The following MBTPS1 variants were observed in gnomAD, a reference collection of about 807,000 sequenced individuals.
MBTPS1 encodes membrane-bound transcription factor site-1 protease.
In MBTPS1, 94 loss-of-function variants were observed where a neutral mutation model predicts 127.8. The observed-to-expected ratio is 0.74, with a 90% CI of 0.62 to 0.87. The LOEUF (loss-of-function observed/expected upper bound fraction) is 0.87, where lower values mean the gene tolerates loss of function less well. Ranked by LOEUF, MBTPS1 falls within the 40% of genes least tolerant of loss-of-function variation. The pLI is 0.00. For synonymous variants in MBTPS1, 632 were observed against 509.4 expected (o/e 1.24, Z -3.24); for missense variants, 1,636 against 1,353.2 (o/e 1.21, Z -3.28).
At chr16:84,100,094 A>G (rs1447359052) in intron 2 of MBTPS1, among the ~76,000 whole-genome samples, 1 of 152,162 alleles carries the variant, frequency 6.6e-6, no homozygotes, top group East Asian at 1.9e-4. Flanking sequence ...ACCTTCACCA[A>G]TTACAATGGC....
intron 1 of MBTPS1, among the ~76,000 whole-genome samples, chr16:84,108,707 G>A (rs755200130): frequency 3.9e-5 from 6 of 152,244 alleles, no homozygotes; most frequent in Non-Finnish European, 8.8e-5. Flanking sequence ...TGAGCGGAGT[G>A]AGGAAGGTAT....
At chr16:84,093,682 A>T in intron 5 of MBTPS1, 29 bp downstream of exon 5, 1 of 1,448,592 alleles carries the variant, frequency 6.9e-7, no homozygotes, top group Non-Finnish European at 9.7e-7. Flanking sequence ...CGATCACATG[A>T]CCACGTTCTC....
At position 84,065,715 on chromosome 16, in the gene MBTPS1, C is replaced by T. The variant is rs35543578; in HGVS notation, c.2406G>A (p.Val802=). ...SIAKFPEDGV[V]ITQTFKDQGL... is the part of the protein sequence containing the mutation. The stretch of plus-strand genomic sequence containing the variant: ...CTTGGTCCTTGAAAGTCTGTGTTAT[C>T]ACGACGCCATCTTCTGGAAACTTCG... The change falls in exon 18 of 23, where the codon GTG becomes GTA. Residue 802 remains valine, a synonymous_variant. Transcript: ENST00000343411. The T allele has an allele frequency of 8.5e-5, 137 of 1,612,560 alleles. No individual in the cohort carries two copies. Among genetic ancestry groups the T allele is most frequent in the Non-Finnish European group, 2.4e-5 (28 of 1,179,552 alleles).
At chr16:84,064,366 T>C (rs948944705) in intron 18 of MBTPS1, among the ~76,000 whole-genome samples, 2 of 152,166 alleles carry the variant, frequency 1.3e-5, no homozygotes, top group African/African-American at 4.8e-5. Context: ...GCCATTTGCC[T>C]TGTGGTATTT....
Position 84,085,131 on chromosome 16 carries a change from G to A in MBTPS1, c.1138C>T (p.Leu380=), listed in dbSNP as rs1440052070. ...TTCATGCGACCGTAGCCTCCTGGTA[G>A]CTCCTATGAATAAAAGCAGCTTGGT... ...FSSRGMTTWE[L]PGGYGRMKPD... is the part of the protein sequence containing the mutation. The change falls in exon 10 of 23, where the codon CTA becomes TTA. Residue 380 remains leucine (L), a synonymous_variant. Coordinates refer to ENST00000343411, the MANE Select transcript of MBTPS1 (RefSeq NM_003791.4). 1.2e-5 allele frequency: 19 copies of A among 1,613,958 alleles called. No homozygotes were observed. The highest frequency in any genetic ancestry group is 1.6e-5 in the Non-Finnish European group (19 of 1,179,980).
At chr16:84,091,912 T>G in intron 6 of MBTPS1, 64 bp from the exon 7 acceptor site, 2 of 936,032 alleles carry the variant, frequency 2.1e-6, no homozygotes, top group Non-Finnish European at 3.5e-6. Context: ...TAGGACAGTT[T>G]TTATTTCTAA....
chr16:84,088,678 C>T (rs899556300), intron 8 of MBTPS1, among the ~76,000 whole-genome samples: 1 of 152,160 alleles, frequency 6.6e-6, no homozygotes, highest in African/African-American at 2.4e-5. Context: ...CTAGGAGCAC[C>T]AAGGGCACAG....
At chr16:84,088,138 T>C (rs2086057040) in intron 8 of MBTPS1, among the ~76,000 whole-genome samples, 1 of 152,098 alleles carries the variant, frequency 6.6e-6, no homozygotes, top group Admixed American at 6.5e-5. Flanking sequence ...AAGATAAAGA[T>C]GAACCATTTG....
At chr16:84,072,775 G>C (rs1299667163) in intron 12 of MBTPS1, among the ~76,000 whole-genome samples, 2 of 152,088 alleles carry the variant, frequency 1.3e-5, no homozygotes, top group Non-Finnish European at 2.9e-5. Flanking sequence ...GGGAGAGAGC[G>C]AGACTCCGTC....
chr16:84,063,985 T>A (rs1323424689), intron 18 of MBTPS1, among the ~76,000 whole-genome samples: 1 of 152,214 alleles, frequency 6.6e-6, no homozygotes, highest in Admixed American at 6.5e-5. Flanking sequence ...TCGGTTACAT[T>A]AATTTCACAA....
intron 3 of MBTPS1, among the ~76,000 whole-genome samples, chr16:84,097,862 GTGTGTGTGTT>G (rs1167407044): frequency 1.3e-5 from 2 of 151,596 alleles, no homozygotes; most frequent in African/African-American, 4.8e-5. Flanking sequence ...GTGTGTGTGT[GTGTGTGTGTT>G]TGTGTGTGTG....
Position 84,059,323 on chromosome 16 carries a change from G to T in MBTPS1, c.2810C>A (p.Pro937His). 6.2e-7 allele frequency: 1 copy of T among 1,614,040 alleles called. No homozygotes were observed. The highest frequency in any genetic ancestry group is 1.7e-4 in the Middle Eastern group (1 of 6,058). The change falls in exon 21 of 23, where the codon CCT becomes CAT. Residue 937 changes from proline (P) to histidine (H), a missense_variant. Coordinates refer to ENST00000343411, the MANE Select transcript of MBTPS1 (RefSeq NM_003791.4). ...TAACCTGGGCGCCGTCTCGTTTAAAGGCTGTGGCTTGGCCCAAGACAAGCG... is the reference window on the plus strand; with the variant it reads ...TAACCTGGGCGCCGTCTCGTTTAAATGCTGTGGCTTGGCCCAAGACAAGCG... ...CPRLSWAKPQ[P>H]LNETAPSNLW...
intron 4 of MBTPS1, 117 bp from the exon 5 acceptor site, chr16:84,093,938 A>G (rs2086145195): frequency 1.3e-6 from 1 of 760,570 alleles, no homozygotes; most frequent in Admixed American, 2.1e-5. Context: ...GTGGAAGGCC[A>G]AAGCTGCTCA....
intron 20 of MBTPS1, 41 bp downstream of exon 20, chr16:84,060,641 G>C (rs752838355): frequency 1.3e-6 from 2 of 1,599,654 alleles, no homozygotes; most frequent in Non-Finnish European, 8.6e-7. Context: ...TGTTCAGCTG[G>C]ATCCAATTCC....
intron 8 of MBTPS1, among the ~76,000 whole-genome samples, chr16:84,089,910 A>T (rs2086080124): frequency 6.6e-6 from 1 of 152,218 alleles, no homozygotes; most frequent in Admixed American, 6.5e-5. Context: ...AGATGACTTA[A>T]TAACTGGTGT....
In MBTPS1 at chr16:84,084,969, G is replaced by T; in HGVS notation, c.1286+14C>A. 6.2e-7 allele frequency: 1 copy of T among 1,612,788 alleles called. No individual in the cohort carries two copies. The highest frequency in any genetic ancestry group is 1.1e-5 in the South Asian group (1 of 90,872). On this transcript the variant is annotated intron_variant, in intron 10 of 22. Transcript: ENST00000343411. The stretch of plus-strand genomic sequence containing the variant: ...TGACGTGGGAGCTACTGGTCTCTAG[G>T]GGGCAGCACTCACCTCACTAACAAG...
chr16:84,054,382 C>T lies in MBTPS1; in HGVS notation c.*67G>A. On this transcript the variant is annotated 3_prime_UTR_variant, in exon 23 of 23. Coordinates refer to ENST00000343411, the MANE Select transcript of MBTPS1 (RefSeq NM_003791.4). ...CCTTTTAAACCAGCCGCCACCACAG[C>T]TCGGCTCACCCACCAGCGCCGTCCG... The T allele has an allele frequency of 7.1e-7, 1 of 1,417,578 alleles. No individual in the cohort carries two copies. Among genetic ancestry groups the T allele is most frequent in the Non-Finnish European group, 9.4e-7 (1 of 1,059,454 alleles). 87.8% of individuals were successfully genotyped at this position (1,417,578 alleles called of 1,614,324 possible).
intron 11 of MBTPS1, among the ~76,000 whole-genome samples, chr16:84,078,987 TG>T (rs1004654973): frequency 1.3e-5 from 2 of 152,358 alleles, no homozygotes; most frequent in African/African-American, 4.8e-5. Context: ...TCCCCCATGT[TG>T]GAGGTGGGCC....
chr16:84,084,240 G>C (rs903008281), intron 10 of MBTPS1, among the ~76,000 whole-genome samples: 4 of 152,160 alleles, frequency 2.6e-5, no homozygotes, highest in African/African-American at 9.7e-5. Context: ...TTACAGGTGT[G>C]AGCCACCGCA....
Sources: allele counts gnomAD v4.1 joint callset (sites outside exome capture counted in the v4.1 genomes callset), GRCh38; gene constraint gnomAD v4.1.1; transcripts MANE v1.5; gene names NCBI Gene and HGNC (gene_info 2026-07-23, HGNC 2026-07-21).